Variants in ANKRD17 observed in about 807,000 individuals in gnomAD.
ANKRD17 encodes the protein ankyrin repeat domain-containing protein 17.
Under a neutral mutation model 229.7 loss-of-function variants are expected in ANKRD17, and 19 were observed. The observed-to-expected ratio is 0.08, with a 90% CI of 0.06 to 0.12. The LOEUF (loss-of-function observed/expected upper bound fraction) is 0.12, where lower values mean the gene tolerates loss of function less well. ANKRD17 is among the 10% of genes least tolerant of loss of function. The pLI is 1.00. For synonymous variants in ANKRD17, 1,112 were observed against 1,146.1 expected (o/e 0.97, Z 0.60); for missense variants, 2,176 against 3,176.8 (o/e 0.68, Z 7.57).
chr4:73,245,367 T>C (rs769095616), intron 1 of ANKRD17, among the ~76,000 whole-genome samples: 1 of 152,196 alleles, frequency 6.6e-6, no homozygotes, highest in Non-Finnish European at 1.5e-5. Context: ...TAAGCCAGGG[T>C]GATCATCCTC....
intron 2 of ANKRD17, among the ~76,000 whole-genome samples, chr4:73,171,180 A>G (rs1452184932): frequency 2.9e-4 from 13 of 44,484 alleles, no homozygotes; most frequent in East Asian, 1.5e-3. Context: ...CAGAGGGGGG[A>G]GAGAGAGAGA....
intron 5 of ANKRD17, among the ~76,000 whole-genome samples, chr4:73,154,443 G>C (rs1160658195): frequency 6.6e-6 from 1 of 151,908 alleles, no homozygotes; most frequent in African/African-American, 2.4e-5. Context: ...TGAGAAAAAA[G>C]TTGTTTTAAT....
intron 2 of ANKRD17, among the ~76,000 whole-genome samples, chr4:73,164,480 A>G (rs1473060066): frequency 1.3e-5 from 2 of 152,160 alleles, no homozygotes; most frequent in Non-Finnish European, 2.9e-5. Flanking sequence ...GGTCTTATCC[A>G]GCTATTGAAT....
intron 25 of ANKRD17, among the ~76,000 whole-genome samples, chr4:73,100,485 C>A (rs937807644): frequency 6.6e-6 from 1 of 151,070 alleles, no homozygotes; most frequent in Non-Finnish European, 1.5e-5. Context: ...ATATATATAT[C>A]CTTTTCTCGG....
rs1737441434 is a variant in ANKRD17, at chr4:73,193,693, GAGGTCA to G, written c.394-16166_394-16161del. 3.3e-5 allele frequency among the ~76,000 whole-genome samples: 5 copies of G among 152,238 alleles called. No homozygotes were observed. The South Asian group carries it at 1.0e-3, about 32-fold the overall frequency. ...CACATCTGCAATTGGAGCACTTTGG[GAGGTCA>G]AGGTGGGCTGATTGCTTGAGCCTAG... On this transcript the variant is annotated intron_variant, in intron 1 of 33. Coordinates refer to ENST00000358602, the MANE Select transcript of ANKRD17 (RefSeq NM_032217.5).
intron 2 of ANKRD17, among the ~76,000 whole-genome samples, chr4:73,168,666 A>G (rs1733561381): frequency 6.6e-6 from 1 of 152,168 alleles, no homozygotes; most frequent in Admixed American, 6.5e-5. Flanking sequence ...ACTACACTCA[A>G]CCACTGCTCC....
In ANKRD17 at chr4:73,258,392, CGCTGTCGCTGCT is replaced by C; in HGVS notation, c.265_276del (p.Ser89_Ser92del). The C allele has an allele frequency of 6.2e-7, 1 of 1,610,442 alleles. No homozygotes were observed. Among genetic ancestry groups the C allele is most frequent in the Non-Finnish European group, 8.5e-7 (1 of 1,179,302 alleles). On this transcript the variant is annotated inframe_deletion, in exon 1 of 34. Transcript: ENST00000358602. Reference sequence around the variant, plus strand: ...CCGCCTCCACCGCCGCCGCTGTTGTCGCTGTCGCTGCTGCTTTCGCTGCTGCTGGGGGGTCGG... The same window carrying C: ...CCGCCTCCACCGCCGCCGCTGTTGTCGCTTTCGCTGCTGCTGGGGGGTCGG...
intron 1 of ANKRD17, among the ~76,000 whole-genome samples, chr4:73,204,375 A>AAAAAAAAAAAAAAAAAAAAAG (rs1553936064): frequency 6.7e-6 from 1 of 150,060 alleles, no homozygotes; most frequent in African/African-American, 2.5e-5. Context: ...AAAAAAAAAA[A>AAAAAAAAAAAAAAAAAAAAAG]AAAAGAAAAG....
chr4:73,158,178 A>AAGAAAGAAAGAAAGAAAGAGAG (rs1284283036), intron 3 of ANKRD17, among the ~76,000 whole-genome samples: 1 of 150,010 alleles, frequency 6.7e-6, no homozygotes, highest in Non-Finnish European at 1.5e-5. Context: ...GAAAGAAAGA[A>AAGAAAGAAAGAAAGAAAGAGAG]AGAAAGAAAG....
chr4:73,125,131 C>T, intron 17 of ANKRD17, 70 bp downstream of exon 17: 2 of 1,594,006 alleles, frequency 1.3e-6, no homozygotes, highest in Non-Finnish European at 1.7e-6. Context: ...CAAAATAGGA[C>T]TAAAAAATAA....
At chr4:73,182,677 TC>T (rs1735736018) in intron 1 of ANKRD17, among the ~76,000 whole-genome samples, 1 of 151,902 alleles carries the variant, frequency 6.6e-6, no homozygotes, top group Admixed American at 6.6e-5. Flanking sequence ...AGAATTCTTG[TC>T]CCCCCAATAA....
intron 1 of ANKRD17, among the ~76,000 whole-genome samples, chr4:73,202,475 T>C (rs1578375856): frequency 6.6e-6 from 1 of 151,904 alleles, no homozygotes; most frequent in East Asian, 1.9e-4. Context: ...AGCTGTAAAC[T>C]AAACAATTAT....
At chr4:73,237,392 T>A (rs535050713) in intron 1 of ANKRD17, among the ~76,000 whole-genome samples, 1 of 152,300 alleles carries the variant, frequency 6.6e-6, no homozygotes, top group East Asian at 1.9e-4. Flanking sequence ...TGAAAAGACA[T>A]CTCACATACT....
chr4:73,147,221 C>T lies in ANKRD17; in HGVS notation c.1759+20G>A, dbSNP rs111416561. 553 of 1,511,424 alleles carry T rather than the reference C, an allele frequency of 3.7e-4. 4 individuals carry two copies. The African/African-American group carries it at 6.8e-3, about 18-fold the overall frequency. The allele number at this position is 1,511,424 out of a possible 1,614,324, so 93.6% of individuals were successfully genotyped here. A position where few individuals can be genotyped will look rare whatever the true frequency, so the allele number is the denominator to read the frequency against. On this transcript the variant is annotated intron_variant, in intron 9 of 33. Transcript: ENST00000358602. ...AAACAAATCATGTAAAAAACTTCTCCCAAATGCAAAAATGCCTACCTGCAG... is the reference window on the plus strand; with the variant it reads ...AAACAAATCATGTAAAAAACTTCTCTCAAATGCAAAAATGCCTACCTGCAG...
rs781166262 is a variant in ANKRD17 at position 73,115,815 on chromosome 4, T to C, written c.4284+6A>G. On this transcript the variant is annotated splice_donor_region_variant and intron_variant, in intron 23 of 33. Transcript: ENST00000358602. ...TCCCTTGCTCATATAGTGAACAACA[T>C]ATTACCTTATCAGTGATGGTTGCTA... 1 of 1,607,608 alleles carries C rather than the reference T, an allele frequency of 6.2e-7. No homozygotes were observed. Among genetic ancestry groups the C allele is most frequent in the Non-Finnish European group, 8.5e-7 (1 of 1,175,588 alleles).
At chr4:73,154,193 T>C (rs552473696) in intron 5 of ANKRD17, 80 bp from the exon 6 acceptor site, 5 of 914,284 alleles carry the variant, frequency 5.5e-6, no homozygotes, top group Non-Finnish European at 7.8e-6. Context: ...ATTAAGAAAA[T>C]GGAAACAGAA....
At chr4:73,191,341 A>ATATATATGTGTGTGTG (rs1553933228) in intron 1 of ANKRD17, among the ~76,000 whole-genome samples, 4 of 125,286 alleles carry the variant, frequency 3.2e-5, no homozygotes, top group African/African-American at 1.2e-4. Flanking sequence ...AAAAATATAT[A>ATATATATGTGTGTGTG]TGTGTGTGTG....
At chr4:73,079,931 C>T (rs1349381427) in intron 30 of ANKRD17, among the ~76,000 whole-genome samples, 1 of 151,760 alleles carries the variant, frequency 6.6e-6, no homozygotes, top group African/African-American at 2.4e-5. Flanking sequence ...TATGGTGATA[C>T]CCTGTCTCTA....
At chr4:73,172,867 T>A (rs911799851) in intron 2 of ANKRD17, among the ~76,000 whole-genome samples, 1 of 151,740 alleles carries the variant, frequency 6.6e-6, no homozygotes, top group African/African-American at 2.4e-5. Context: ...AGAAAATCAC[T>A]TTCACTGAAA....
Sources: allele counts gnomAD v4.1 joint callset (sites outside exome capture counted in the v4.1 genomes callset), GRCh38; gene constraint gnomAD v4.1.1; transcripts MANE v1.5; gene names NCBI Gene and HGNC (gene_info 2026-07-23, HGNC 2026-07-21).